SEM1: variants seen among roughly 807,000 people sequenced by gnomAD.
SEM1 encodes the protein 26S proteasome complex subunit SEM1.
Under a neutral mutation model 12.7 loss-of-function variants are expected in SEM1, and 3 were observed. That is an observed-to-expected ratio of 0.24 (90% CI 0.11 to 0.61). SEM1 has a LOEUF of 0.61. Ranked by LOEUF, SEM1 falls within the 20% of genes least tolerant of loss-of-function variation. SEM1 has a pLI of 0.88. For synonymous variants in SEM1, 30 were observed against 27.8 expected (o/e 1.08, Z -0.25); for missense variants, 59 against 81.3 (o/e 0.73, Z 1.06).
At chr7:96,500,033 A>G (rs1803458071), upstream of SEM1, among the ~76,000 whole-genome samples, 1 of 152,314 alleles carries the variant, frequency 6.6e-6, no homozygotes, top group Admixed American at 6.5e-5. Flanking sequence ...GTTTTGTGAA[A>G]GAAAATTCAT....
chr7:96,506,244 T>C (rs1451490781), intron 3 of SEM1, among the ~76,000 whole-genome samples: 1 of 152,104 alleles, frequency 6.6e-6, no homozygotes, highest in Non-Finnish European at 1.5e-5. Context: ...AGACCTCTGG[T>C]TCTTTTCAGA....
intron 2 of SEM1, among the ~76,000 whole-genome samples, chr7:96,545,688 A>C (rs899308332): frequency 6.6e-6 from 1 of 152,074 alleles, no homozygotes; most frequent in Non-Finnish European, 1.5e-5. Context: ...AGCGTTATGC[A>C]TAGAGCCCTG....
chr7:96,622,543 A>G (rs144770847), downstream of SEM1: 18 of 754,100 alleles, frequency 2.4e-5, no homozygotes, highest in East Asian at 3.9e-4. Flanking sequence ...GGGGCTTGGT[A>G]CCTTTGCCTT....
chr7:96,706,579 A>C (rs1358344543), intron 1 of SEM1, among the ~76,000 whole-genome samples: 87 of 143,934 alleles, frequency 6.0e-4, no homozygotes, highest in Non-Finnish European at 1.0e-3. Context: ...ACAAAAAAAA[A>C]AAAAAAAAAA....
intron 2 of SEM1, among the ~76,000 whole-genome samples, chr7:96,631,651 C>T (rs1194504509): frequency 6.6e-6 from 1 of 152,096 alleles, no homozygotes; most frequent in Non-Finnish European, 1.5e-5. Context: ...TGGGCAAAGA[C>T]TCCATGAATA....
chr7:96,693,041 G>C (rs1031485559), intron 2 of SEM1, among the ~76,000 whole-genome samples: 2 of 151,892 alleles, frequency 1.3e-5, no homozygotes, highest in Non-Finnish European at 2.9e-5. Flanking sequence ...AAAAAAAGTA[G>C]ATAGGTAAAA....
intron 2 of SEM1, among the ~76,000 whole-genome samples, chr7:96,595,865 C>A (rs931324007): frequency 1.8e-4 from 28 of 152,232 alleles, no homozygotes; most frequent in Middle Eastern, 3.4e-3. Flanking sequence ...TCATAAAACT[C>A]GGTTGCATCC....
intron 2 of SEM1, among the ~76,000 whole-genome samples, chr7:96,627,423 G>A (rs1175157839): frequency 6.6e-6 from 1 of 151,620 alleles, no homozygotes; most frequent in Non-Finnish European, 1.5e-5. Flanking sequence ...TTCTCTCTTG[G>A]TACTGCTTTT....
chr7:96,662,483 C>T (rs1369604767), intron 2 of SEM1, among the ~76,000 whole-genome samples: 1 of 152,034 alleles, frequency 6.6e-6, no homozygotes, highest in Non-Finnish European at 1.5e-5. Flanking sequence ...AACACATGGA[C>T]ACATGGAGGT....
At position 96,541,335 on chromosome 7, in the gene SEM1, G is replaced by A. The variant is rs146775953; in HGVS notation, c.171-34637C>T. ...GTGGTTTTTATTTACTTCCTCTGAT[G>A]GTTAGTGATGCTGAACGTTTTTTAT... On this transcript the variant is annotated intron_variant and NMD_transcript_variant, in intron 2 of 3. Coordinates refer to the SEM1 transcript ENST00000466986. Among the ~76,000 whole-genome samples the A allele has an allele frequency of 2.0e-5, 3 of 151,486 alleles. No individual in the cohort carries two copies. The East Asian group carries it at 5.9e-4, about 30-fold the overall frequency.
intron 2 of SEM1, among the ~76,000 whole-genome samples, chr7:96,532,180 A>C (rs1804662282): frequency 6.6e-6 from 1 of 152,162 alleles, no homozygotes; most frequent in Non-Finnish European, 1.5e-5. Flanking sequence ...AAACAAGCTA[A>C]AACATGTTTT....
chr7:96,540,705 A>T (rs1013308788), intron 2 of SEM1, among the ~76,000 whole-genome samples: 4 of 151,804 alleles, frequency 2.6e-5, no homozygotes, highest in Admixed American at 1.3e-4. Flanking sequence ...TGAGGTACGG[A>T]TGATCCTGAA....
At chr7:96,673,996 C>A in intron 2 of SEM1, 1 of 619,786 alleles carries the variant, frequency 1.6e-6, no homozygotes, top group Non-Finnish European at 2.9e-6. Context: ...CCCATCTCTA[C>A]CTCCCCTCTC....
At chr7:96,580,931 C>G (rs1190896338) in intron 2 of SEM1, among the ~76,000 whole-genome samples, 4 of 152,062 alleles carry the variant, frequency 2.6e-5, no homozygotes, top group African/African-American at 9.7e-5. Flanking sequence ...CCTGTTCACT[C>G]TGATGGTAGT....
upstream of SEM1, among the ~76,000 whole-genome samples, chr7:96,500,829 C>G (rs1803507241): frequency 6.6e-6 from 1 of 152,152 alleles, no homozygotes; most frequent in Non-Finnish European, 1.5e-5. Context: ...GGATTTCACT[C>G]CTTCCAGGTC....
intron 2 of SEM1, among the ~76,000 whole-genome samples, chr7:96,585,466 A>G (rs1342281869): frequency 6.8e-6 from 1 of 147,722 alleles, no homozygotes; most frequent in Non-Finnish European, 1.5e-5. Context: ...AGAGGCAGGC[A>G]GGCCTCCTTC....
chr7:96,510,740 A>C (rs1166019725), intron 2 of SEM1, among the ~76,000 whole-genome samples: 1 of 152,172 alleles, frequency 6.6e-6, no homozygotes, highest in Non-Finnish European at 1.5e-5. Context: ...CTGCTTTTGA[A>C]GTTGATGCCT....
At chr7:96,605,790 C>G (rs1807333520) in intron 2 of SEM1, among the ~76,000 whole-genome samples, 1 of 152,018 alleles carries the variant, frequency 6.6e-6, no homozygotes, top group East Asian at 1.9e-4. Context: ...ATGGTCAACC[C>G]CCATCCAAAA....
At chr7:96,499,158 C>T (rs2117255889), upstream of SEM1, among the ~76,000 whole-genome samples, 1 of 151,194 alleles carries the variant, frequency 6.6e-6, no homozygotes. Context: ...TTCAGCTTCA[C>T]AATTTTTGAA....
Sources: allele counts gnomAD v4.1 joint callset (sites outside exome capture counted in the v4.1 genomes callset), GRCh38; gene constraint gnomAD v4.1.1; transcripts MANE v1.5; gene names NCBI Gene and HGNC (gene_info 2026-07-23, HGNC 2026-07-21).